Variants in EFCAB6 observed in about 807,000 individuals in gnomAD.
EFCAB6 encodes EF-hand calcium-binding domain-containing protein 6.
Under a neutral mutation model 169.8 loss-of-function variants are expected in EFCAB6, and 156 were observed. The ratio of observed to expected loss-of-function variants is 0.92; its 90% CI spans 0.81 to 1.05. EFCAB6 has a LOEUF of 1.05. EFCAB6 is among the 50% of genes least tolerant of loss of function. The pLI is 0.00. For synonymous variants in EFCAB6, 698 were observed against 676.4 expected (o/e 1.03, Z -0.50); for missense variants, 1,800 against 1,829.1 (o/e 0.98, Z 0.29).
chr22:43,670,231 G>A (rs74355495), intron 15 of EFCAB6, among the ~76,000 whole-genome samples: 1,571 of 152,262 alleles, frequency 0.01, 33 homozygotes, highest in African/African-American at 0.036. Flanking sequence ...TTTCTGCAAT[G>A]ACACTTTAAA....
At chr22:43,784,858 A>T (rs1374428017) in intron 2 of EFCAB6, among the ~76,000 whole-genome samples, 1 of 150,886 alleles carries the variant, frequency 6.6e-6, no homozygotes, top group Non-Finnish European at 1.5e-5. Flanking sequence ...ACTGGGTGAC[A>T]GACTGAGACC....
At chr22:43,800,462 T>C (rs1385127283) in intron 2 of EFCAB6, among the ~76,000 whole-genome samples, 1 of 152,108 alleles carries the variant, frequency 6.6e-6, no homozygotes, top group Non-Finnish European at 1.5e-5. Context: ...AATCATGATT[T>C]CCCCAAGCAA....
chr22:43,737,401 C>T (rs1340203281), intron 6 of EFCAB6, among the ~76,000 whole-genome samples: 2 of 151,114 alleles, frequency 1.3e-5, no homozygotes, highest in Non-Finnish European at 2.9e-5. Flanking sequence ...TTCACACACA[C>T]ACATGCACAG....
intron 29 of EFCAB6, chr22:43,536,162 GT>G (rs2047372695): frequency 2.0e-5 from 3 of 152,018 alleles, no homozygotes; most frequent in Admixed American, 2.0e-4. Flanking sequence ...CACAGTGAAG[GT>G]TTATCACTCT....
intron 16 of EFCAB6, among the ~76,000 whole-genome samples, chr22:43,667,734 A>G (rs2057326454): frequency 6.6e-6 from 1 of 152,216 alleles, no homozygotes; most frequent in African/African-American, 2.4e-5. Context: ...TCAAACATCC[A>G]CGGAAATGAA....
At chr22:43,793,592 T>C (rs1208467614) in intron 2 of EFCAB6, among the ~76,000 whole-genome samples, 1 of 124,450 alleles carries the variant, frequency 8.0e-6, no homozygotes, top group African/African-American at 3.1e-5. Context: ...AATGGCAATA[T>C]GTTGCAAAAG....
intron 17 of EFCAB6, among the ~76,000 whole-genome samples, chr22:43,638,009 T>C (rs1477995564): frequency 6.6e-6 from 1 of 152,134 alleles, no homozygotes; most frequent in African/African-American, 2.4e-5. Context: ...GGGAGATTCG[T>C]ACTATCCCCC....
intron 27 of EFCAB6, chr22:43,554,618 C>A (rs1045368389): frequency 2.8e-5 from 14 of 493,118 alleles, no homozygotes; most frequent in Non-Finnish European, 4.7e-5. Flanking sequence ...GTGTGGGAGC[C>A]GAAGCGGAGT....
chr22:43,636,158 G>A (rs2055377633), intron 17 of EFCAB6, among the ~76,000 whole-genome samples: 1 of 152,246 alleles, frequency 6.6e-6, no homozygotes, highest in Non-Finnish European at 1.5e-5. Flanking sequence ...GGGGACGGAA[G>A]GCTTTCTAGG....
At chr22:43,649,040 A>G (rs1263172604) in intron 17 of EFCAB6, among the ~76,000 whole-genome samples, 1 of 152,164 alleles carries the variant, frequency 6.6e-6, no homozygotes, top group African/African-American at 2.4e-5. Context: ...GCCAATGCCC[A>G]GAGAAGAGCT....
At chr22:43,748,824 C>A (rs1190640063) in intron 6 of EFCAB6, among the ~76,000 whole-genome samples, 1 of 152,144 alleles carries the variant, frequency 6.6e-6, no homozygotes, top group African/African-American at 2.4e-5. Context: ...AGAGCTCTCT[C>A]GGGCAGAGCT....
intron 7 of EFCAB6, among the ~76,000 whole-genome samples, chr22:43,732,520 T>C (rs1163597656): frequency 6.9e-5 from 10 of 145,370 alleles, no homozygotes; most frequent in Admixed American, 5.0e-4. Context: ...CAGGCTAGAG[T>C]GTGGTGCTGC....
In EFCAB6 at chr22:43,780,048, T is replaced by C. The variant is rs139309051; in HGVS notation, c.139+2132A>G. Among the ~76,000 whole-genome samples, 792 of 152,334 alleles carry C rather than the reference T, an allele frequency of 5.2e-3. 5 individuals are homozygous for C. Among genetic ancestry groups the C allele is most frequent in the African/African-American group, 0.018 (732 of 41,584 alleles). ...ATATTAAATTCACAATGGAATGTTA[T>C]TTTTCCATATCCAATGGGCAAGATC... On this transcript the variant is annotated intron_variant, in intron 3 of 31. Transcript: ENST00000262726.
chr22:43,801,624 T>G (rs1434770070), intron 2 of EFCAB6, among the ~76,000 whole-genome samples: 1 of 152,252 alleles, frequency 6.6e-6, no homozygotes, highest in Non-Finnish European at 1.5e-5. Context: ...CATTTCTTGT[T>G]TGTTTATATT....
In EFCAB6 at chr22:43,599,373, G is replaced by T. The variant is rs142471696; in HGVS notation, c.2876+696C>A. Among the ~76,000 whole-genome samples the T allele has an allele frequency of 4.3e-3, 653 of 151,958 alleles. 8 individuals carry two copies. The highest frequency in any genetic ancestry group is 0.015 in the African/African-American group (625 of 41,394). On this transcript the variant is annotated intron_variant, in intron 23 of 31. Coordinates refer to ENST00000262726, the MANE Select transcript of EFCAB6 (RefSeq NM_022785.4). ...AAAAATACAAAAATTAGCTGGTCGT[G>T]GTGGCGTGTGCCTGTAATCCCAGCT...
intron 20 of EFCAB6, among the ~76,000 whole-genome samples, chr22:43,618,897 AT>A (rs2147760222): frequency 9.3e-6 from 1 of 107,248 alleles, no homozygotes; most frequent in East Asian, 3.1e-4. Flanking sequence ...ATCCATGTTA[AT>A]TTTCTCTCTC....
In EFCAB6 at chr22:43,732,748, T is replaced by A. The variant is rs1164372958; in HGVS notation, c.645-937A>T. Among the ~76,000 whole-genome samples, 7 of 152,178 alleles carry A rather than the reference T, an allele frequency of 4.6e-5. No individual in the cohort carries two copies. The East Asian group carries it at 1.3e-3, about 29-fold the overall frequency. On this transcript the variant is annotated intron_variant, in intron 7 of 31. Coordinates refer to ENST00000262726, the MANE Select transcript of EFCAB6 (RefSeq NM_022785.4). ...TCCTAAAGTGCTGGAATTACAGGCA[T>A]GAGCCACTGTGCCCAGCCGAGATAA...
intron 16 of EFCAB6, among the ~76,000 whole-genome samples, chr22:43,668,482 C>T (rs983510784): frequency 6.6e-6 from 1 of 152,008 alleles, no homozygotes; most frequent in Non-Finnish European, 1.5e-5. Flanking sequence ...ATGTGTGTTG[C>T]AATAAATATT....
intron 4 of EFCAB6, among the ~76,000 whole-genome samples, chr22:43,768,001 T>A (rs968189867): frequency 6.6e-6 from 1 of 152,236 alleles, no homozygotes; most frequent in Admixed American, 6.5e-5. Context: ...GAGGCTAGTT[T>A]TTAGATCAGT....
Sources: allele counts gnomAD v4.1 joint callset (sites outside exome capture counted in the v4.1 genomes callset), GRCh38; gene constraint gnomAD v4.1.1; transcripts MANE v1.5; gene names NCBI Gene and HGNC (gene_info 2026-07-23, HGNC 2026-07-21).